The following THSD7B variants were observed in gnomAD, a reference collection of about 807,000 sequenced individuals.
The protein encoded by THSD7B is thrombospondin type 1 domain containing 7B, also known as thrombospondin type-1 domain-containing protein 7B.
Under a neutral mutation model 213.6 loss-of-function variants are expected in THSD7B, and 138 were observed. The observed-to-expected ratio is 0.65, with a 90% CI of 0.56 to 0.74. The LOEUF (loss-of-function observed/expected upper bound fraction) is 0.74, where lower values mean the gene tolerates loss of function less well. Among genes scored for constraint, THSD7B ranks in the 30% least tolerant of loss-of-function variants. The pLI, the probability that THSD7B is intolerant of heterozygous loss-of-function variation, is 0.00. For synonymous variants in THSD7B, 742 were observed against 687.0 expected, an observed-to-expected ratio of 1.08 and a Z score of -1.25; for missense variants, 1,931 against 1,991.5, an observed-to-expected ratio of 0.97 and a Z score of 0.58.
intron 17 of THSD7B, among the ~76,000 whole-genome samples, chr2:137,576,497 A>C: frequency 6.6e-6 from 1 of 152,184 alleles, no homozygotes; most frequent in Admixed American, 6.6e-5. Context: ...AATTATCACC[A>C]GAACAATCTG....
chr2:136,788,625 C>T (rs969153142), intron 1 of THSD7B, among the ~76,000 whole-genome samples: 4 of 152,104 alleles, frequency 2.6e-5, no homozygotes, highest in Admixed American at 1.3e-4. Context: ...ACCATTCTCT[C>T]TTCACTTCAA....
intron 15 of THSD7B, among the ~76,000 whole-genome samples, chr2:137,560,763 G>C (rs1231080903): frequency 6.6e-6 from 1 of 151,912 alleles, no homozygotes; most frequent in East Asian, 1.9e-4. Context: ...AGGAGTCCAG[G>C]TGCTGACTTT....
chr2:136,830,721 G>T (rs1682740306), intron 1 of THSD7B, among the ~76,000 whole-genome samples: 1 of 152,104 alleles, frequency 6.6e-6, no homozygotes, highest in South Asian at 2.1e-4. Context: ...ATGGGTATCA[G>T]CCTATTTTTC....
intron 2 of THSD7B, chr2:136,906,574 T>C (rs1298104748): frequency 6.6e-6 from 1 of 152,152 alleles, no homozygotes; most frequent in African/African-American, 2.4e-5. Flanking sequence ...AAAGTGAGTA[T>C]GGATTCATCA....
rs527867314 is a variant in THSD7B, at chr2:137,091,210, T to C, written c.951-3663T>C. On this transcript the variant is annotated intron_variant, in intron 3 of 27. Transcript: ENST00000409968. ...ACATGCTCTTACTGTTGGAGACTTATTATCTGTTCTGCTGGTCCAGGAGGA... is the reference window on the plus strand; with the variant it reads ...ACATGCTCTTACTGTTGGAGACTTACTATCTGTTCTGCTGGTCCAGGAGGA... Among the ~76,000 whole-genome samples the C allele has an allele frequency of 9.2e-5, 14 of 152,312 alleles. 1 individual carries two copies. The highest frequency in any genetic ancestry group is 3.1e-4 in the African/African-American group (13 of 41,570).
chr2:137,353,124 A>G (rs528962125), intron 12 of THSD7B, among the ~76,000 whole-genome samples: 1 of 152,232 alleles, frequency 6.6e-6, no homozygotes, highest in South Asian at 2.1e-4. Context: ...TGACTAATTG[A>G]TTCAGTCAGA....
intron 7 of THSD7B, among the ~76,000 whole-genome samples, chr2:137,179,673 A>G (rs1680418391): frequency 6.6e-6 from 1 of 152,142 alleles, no homozygotes. Flanking sequence ...TTACTAAATT[A>G]ATGTATACAT....
intron 10 of THSD7B, among the ~76,000 whole-genome samples, chr2:137,259,479 ATCT>A (rs1682389257): frequency 6.6e-6 from 1 of 152,106 alleles, no homozygotes. Context: ...CTGCATAAAT[ATCT>A]TCTTTTGACA....
intron 2 of THSD7B, among the ~76,000 whole-genome samples, chr2:137,046,834 G>C (rs550464685): frequency 6.6e-6 from 1 of 152,224 alleles, no homozygotes; most frequent in Admixed American, 6.5e-5. Flanking sequence ...GGCCAGTGTG[G>C]TGAGAAAGCA....
intron 9 of THSD7B, among the ~76,000 whole-genome samples, chr2:137,241,811 A>C (rs542804963): frequency 6.6e-6 from 1 of 151,336 alleles, no homozygotes; most frequent in East Asian, 2.0e-4. Context: ...TGAGAGGCTG[A>C]GGTGTGAGAG....
At chr2:136,774,504 G>A (rs1681566240) in intron 1 of THSD7B, among the ~76,000 whole-genome samples, 1 of 152,034 alleles carries the variant, frequency 6.6e-6, no homozygotes, top group Non-Finnish European at 1.5e-5. Flanking sequence ...TTCATTGTGT[G>A]CAACATATAA....
chr2:136,998,915 C>A (rs12620012), intron 2 of THSD7B, among the ~76,000 whole-genome samples: 11,906 of 56,772 alleles, frequency 0.21, 494 homozygotes, highest in East Asian at 0.31. Flanking sequence ...AACAGACACA[C>A]ACACACACAC....
At chr2:137,515,421 C>T (rs987404846) in intron 15 of THSD7B, among the ~76,000 whole-genome samples, 1 of 152,194 alleles carries the variant, frequency 6.6e-6, no homozygotes, top group Non-Finnish European at 1.5e-5. Flanking sequence ...GGACCCTCCC[C>T]TAACACCCCT....
chr2:137,040,513 C>T (rs1164378302), intron 2 of THSD7B, among the ~76,000 whole-genome samples: 1 of 151,978 alleles, frequency 6.6e-6, no homozygotes, highest in Admixed American at 6.6e-5. Context: ...CCTGCCTCAG[C>T]CTCCCGAGTA....
intron 3 of THSD7B, among the ~76,000 whole-genome samples, chr2:137,061,317 A>G (rs1475113829): frequency 1.3e-5 from 2 of 151,400 alleles, no homozygotes; most frequent in South Asian, 4.1e-4. Flanking sequence ...AAAAAGGAAA[A>G]ATTATTGCTT....
At chr2:137,214,220 A>C (rs1222046414) in intron 7 of THSD7B, among the ~76,000 whole-genome samples, 2 of 152,074 alleles carry the variant, frequency 1.3e-5, no homozygotes, top group Admixed American at 1.3e-4. Flanking sequence ...CATTGTCACC[A>C]TGCCTATTTA....
At chr2:137,179,956 C>T (rs1216011876) in intron 7 of THSD7B, among the ~76,000 whole-genome samples, 1 of 152,112 alleles carries the variant, frequency 6.6e-6, no homozygotes, top group East Asian at 1.9e-4. Flanking sequence ...TCTAGAATCT[C>T]AAGTGAATAT....
Position 137,411,670 on chromosome 2 carries a change from A to C in THSD7B, c.2757A>C (p.Glu919Asp), listed in dbSNP as rs773472164. 5 of 1,614,016 alleles carry C rather than the reference A, an allele frequency of 3.1e-6. No individual in the cohort carries two copies. The South Asian group carries it at 5.5e-5, about 18-fold the overall frequency. ...DSDLYPLVET[E>D]LCPCDEFISQ... ...ACCTTTACCCTCTAGTGGAGACAGAACTATGTCCTTGTGATGAATTTATAT... is the reference window on the plus strand; with the variant it reads ...ACCTTTACCCTCTAGTGGAGACAGACCTATGTCCTTGTGATGAATTTATAT... Residue 919 changes from glutamate to aspartate, a missense_variant, in exon 14 of 28, where the codon GAA (glutamate) becomes GAC (aspartate). Transcript: ENST00000409968.
At chr2:137,022,688 A>G (rs1162980308) in intron 2 of THSD7B, among the ~76,000 whole-genome samples, 1 of 151,942 alleles carries the variant, frequency 6.6e-6, no homozygotes, top group Admixed American at 6.6e-5. Context: ...CTGGTAGATC[A>G]CACTTTCTGT....
Sources: allele counts gnomAD v4.1 joint callset (sites outside exome capture counted in the v4.1 genomes callset), GRCh38; gene constraint gnomAD v4.1.1; transcripts MANE v1.5; gene names NCBI Gene and HGNC (gene_info 2026-07-23, HGNC 2026-07-21).